LTBP4: variants seen among roughly 807,000 people sequenced by gnomAD.
LTBP4 encodes latent transforming growth factor beta binding protein 4.
Under a neutral mutation model 180.2 loss-of-function variants are expected in LTBP4, and 93 were observed. The ratio of observed to expected loss-of-function variants is 0.52; its 90% CI spans 0.44 to 0.61. LTBP4 has a LOEUF of 0.61. Ranked by LOEUF, LTBP4 falls within the 20% of genes least tolerant of loss-of-function variation. The pLI, the probability that LTBP4 is intolerant of heterozygous loss-of-function variation, is 0.00. For missense variants in LTBP4, 2,116 were observed against 2,256.5 expected (o/e 0.94, Z 1.26); for synonymous variants, 947 against 934.5 (o/e 1.01, Z -0.24).
rs953170402 is a variant in LTBP4, at chr19:40,618,543, G to T, written c.3071-804G>T. Among the ~76,000 whole-genome samples the T allele has an allele frequency of 1.2e-4, 19 of 152,118 alleles. 1 individual carries two copies. The highest frequency in any genetic ancestry group is 4.6e-4 in the African/African-American group (19 of 41,490). On this transcript the variant is annotated intron_variant, in intron 21 of 29. Coordinates refer to ENST00000396819, the MANE Select transcript of LTBP4 (RefSeq NM_001042545.2). ...CCTAAAGTGCTGGGATTATAAGCAT[G>T]AGCCACCACGCCTGGCCTGTAGAGA...
intron 21 of LTBP4, among the ~76,000 whole-genome samples, chr19:40,618,141 G>A (rs191865594): frequency 6.6e-6 from 1 of 151,358 alleles, no homozygotes; most frequent in African/African-American, 2.4e-5. Flanking sequence ...ATAGCTTACT[G>A]CAGCCTCTAA....
At position 40,622,942 on chromosome 19, in the gene LTBP4, G is replaced by C. The variant is rs763728486; in HGVS notation, c.3485-8G>C. The C allele has an allele frequency of 2.5e-6, 4 of 1,612,810 alleles. No homozygotes were observed. Among genetic ancestry groups the C allele is most frequent in the Non-Finnish European group, 2.5e-6 (3 of 1,179,480 alleles). ...GGTGTCCTGGCTCAGGCTTGTCTCT[G>C]TGTGTAGCTGAGTACCAGTCATTGT... On this transcript the variant is annotated splice_polypyrimidine_tract_variant and splice_region_variant and intron_variant, in intron 23 of 29. Coordinates refer to ENST00000396819, the MANE Select transcript of LTBP4 (RefSeq NM_001042545.2). The surrounding 1 kb of genome is among the most constrained non-coding windows in gnomAD (Gnocchi z 5.1).
chr19:40,593,719 G>A (rs974346036), intron 1 of LTBP4, among the ~76,000 whole-genome samples: 10 of 151,084 alleles, frequency 6.6e-5, no homozygotes, highest in African/African-American at 2.0e-4. Context: ...TTTCCAGGCC[G>A]GAGAATCCAG....
Position 40,611,373 on chromosome 19 carries a change from G to T in LTBP4, c.2032G>T (p.Gly678Trp). Residue 678 changes from glycine (G) to tryptophan (W), a missense_variant, in exon 13 of 30, where the codon GGG (glycine) becomes TGG (tryptophan). Coordinates refer to ENST00000396819, the MANE Select transcript of LTBP4 (RefSeq NM_001042545.2). This position sits in a 1 kb window ranked among gnomAD's most constrained non-coding sequence, Gnocchi z 4.4. Reference protein sequence around the residue: ...CACPAGFRSRGPGAPCQDVDE... With the variant: ...CACPAGFRSRWPGAPCQDVDE... ...CTGCCCTGCTGGCTTCCGCTCCCGAGGGCCCGGGGCCCCCTGCCAAGGTGA... is the reference window on the plus strand; with the variant it reads ...CTGCCCTGCTGGCTTCCGCTCCCGATGGCCCGGGGCCCCCTGCCAAGGTGA... 6.2e-7 allele frequency: 1 copy of T among 1,606,940 alleles called. No homozygotes were observed.
rs200380847 is a variant in LTBP4, at chr19:40,611,945, A to T, written c.2140A>T (p.Met714Leu). 1.2e-6 allele frequency: 2 copies of T among 1,611,234 alleles called. No homozygotes were observed. The highest frequency in any genetic ancestry group is 1.7e-6 in the Non-Finnish European group (2 of 1,178,768). Residue 714 changes from methionine (M) to leucine (L), a missense_variant, in exon 14 of 30, where the codon ATG becomes TTG. Physicochemically the swap from Met to Leu is conservative, Grantham distance 15. Around this residue, in one of 5 missense-constraint regions of LTBP4, gnomAD observed 877 missense variants for 873.6 expected, o/e 1.00. Transcript: ENST00000396819. The surrounding 1 kb of genome is among the most constrained non-coding windows in gnomAD (Gnocchi z 4.4). The part of the protein sequence containing the change: ...TEGSFQCVCP[M>L]GFQPNTAGSE... Reference sequence around the variant, plus strand: ...AGGCAGCTTCCAGTGTGTCTGCCCCATGGGCTTCCAACCCAACACTGCTGG... The same window carrying T: ...AGGCAGCTTCCAGTGTGTCTGCCCCTTGGGCTTCCAACCCAACACTGCTGG...
intron 28 of LTBP4, 35 bp from the exon 29 acceptor site, chr19:40,627,670 G>T: frequency 1.9e-6 from 3 of 1,561,554 alleles, no homozygotes; most frequent in Non-Finnish European, 2.6e-6. Flanking sequence ...TGAAGGCAGG[G>T]ACCTCAAGTC....
intron 19 of LTBP4, 128 bp downstream of exon 19, chr19:40,614,574 A>C (rs1427802329): frequency 2.4e-6 from 3 of 1,232,004 alleles, no homozygotes; most frequent in Non-Finnish European, 3.3e-6. Context: ...CTCTCACCGT[A>C]TCTCTGTAGT....
In LTBP4 at chr19:40,613,453, C is replaced by T; in HGVS notation, c.2481C>T (p.Cys827=). 2 of 1,601,926 alleles carry T rather than the reference C, an allele frequency of 1.2e-6. No individual in the cohort carries two copies. Among genetic ancestry groups the T allele is most frequent in the Non-Finnish European group, 1.7e-6 (2 of 1,174,752 alleles). ...ATTTCTGCTTCCCTCACGGCGAGTG[C>T]CTCAACACTGACGGCTCCTTTGCCT... The part of the protein sequence containing the change: ...EGDFCFPHGE[C]LNTDGSFACT... The change falls in exon 17 of 30, where the codon TGC becomes TGT. Residue 827 remains cysteine, a synonymous_variant. Transcript: ENST00000396819. This position sits in a 1 kb window ranked among gnomAD's most constrained non-coding sequence, Gnocchi z 5.0.
intron 18 of LTBP4, 36 bp from the exon 19 acceptor site, chr19:40,614,279 G>A: frequency 6.3e-7 from 1 of 1,585,478 alleles, no homozygotes; most frequent in Non-Finnish European, 8.6e-7. Flanking sequence ...TTGCCTCCCT[G>A]CTTCCCACAT....
Position 40,624,044 on chromosome 19 carries a change from C to A in LTBP4, c.3794C>A (p.Ser1265Ter). ...GAGCCCCCACTGGTGCTGGATGGCTCGCAGCGCCGCTGCGTCTCCAACGAG... is the reference window on the plus strand; with the variant it reads ...GAGCCCCCACTGGTGCTGGATGGCTAGCAGCGCCGCTGCGTCTCCAACGAG... ...TCEPPLVLDG[S>*]QRRCVSNESQ... is the part of the protein sequence containing the mutation. Residue 1265 changes from serine (S) to a stop codon, truncating the protein, a stop_gained, in exon 26 of 30, where the codon TCG (serine) becomes TAG (stop). Coordinates refer to ENST00000396819, the MANE Select transcript of LTBP4 (RefSeq NM_001042545.2). LOFTEE classifies it high-confidence loss of function. 6.3e-7 allele frequency: 1 copy of A among 1,593,744 alleles called. No individual in the cohort carries two copies. Among genetic ancestry groups the A allele is most frequent in the Non-Finnish European group, 8.6e-7 (1 of 1,167,232 alleles).
At chr19:40,599,361 A>G (rs1568399939), upstream of LTBP4, 1 of 1,610,678 alleles carries the variant, frequency 6.2e-7, no homozygotes, top group African/African-American at 1.3e-5. Flanking sequence ...AGCTGGATGC[A>G]TTTGGTAGAG....
At chr19:40,601,265 G>A (rs2081421207), upstream of LTBP4, 1 of 772,546 alleles carries the variant, frequency 1.3e-6, no homozygotes, top group African/African-American at 1.9e-5. Context: ...CGGGGAGGGA[G>A]TGGTGAGGAG....
Position 40,629,466 on chromosome 19 carries a change from T to C in LTBP4, c.4590T>C (p.Asp1530=). 2 of 1,610,726 alleles carry C rather than the reference T, an allele frequency of 1.2e-6. No individual in the cohort carries two copies. The highest frequency in any genetic ancestry group is 2.2e-5 in the South Asian group (2 of 91,038). The stretch of plus-strand genomic sequence containing the variant: ...TCAACGCGCGTTGCCTCAACACGGA[T>C]GGCTCCTTCCGCTGCATCTGCCGCC... ...LCVNARCLNT[D]GSFRCICRPG... Residue 1530 remains aspartate, a synonymous_variant, in exon 30 of 30, where the codon GAT becomes GAC. Coordinates refer to ENST00000396819, the MANE Select transcript of LTBP4 (RefSeq NM_001042545.2). The surrounding 1 kb of genome is among the most constrained non-coding windows in gnomAD (Gnocchi z 4.5).
Position 40,609,661 on chromosome 19 carries a change from G to C in LTBP4, c.1558G>C (p.Asp520His), listed in dbSNP as rs2081489847. 25 of 1,613,050 alleles carry C rather than the reference G, an allele frequency of 1.5e-5. No homozygotes were observed. Among genetic ancestry groups the C allele is most frequent in the Non-Finnish European group, 2.1e-5 (25 of 1,179,736 alleles). The part of the protein sequence containing the change: ...RLSPQGTRCI[D>H]VDECRRVPPP... ...CAGCCCCCAGGGCACCCGATGCATTGGTGAGCAAGACGGAGGGCGCGGAAG... is the reference window on the plus strand; with the variant it reads ...CAGCCCCCAGGGCACCCGATGCATTCGTGAGCAAGACGGAGGGCGCGGAAG... The change falls in exon 10 of 30, where the codon GAT (aspartate) becomes CAT (histidine). Residue 520 changes from aspartate (D) to histidine (H), a missense_variant and splice_region_variant. Asp to His is a moderately conservative substitution (Grantham distance 81). This residue lies in a region of LTBP4 where 877 missense variants were observed against 873.6 expected (regional missense o/e 1.00). Coordinates refer to ENST00000396819, the MANE Select transcript of LTBP4 (RefSeq NM_001042545.2). The surrounding 1 kb of genome is among the most constrained non-coding windows in gnomAD (Gnocchi z 4.9).
intron 27 of LTBP4, among the ~76,000 whole-genome samples, 166 bp from the exon 28 acceptor site, chr19:40,626,809 G>A (rs1014166596): frequency 1.3e-5 from 2 of 152,106 alleles, no homozygotes; most frequent in Admixed American, 6.5e-5. Flanking sequence ...CAGCACGTCC[G>A]AATCCCAGTC....
chr19:40,599,527 A>G (rs1174432387), upstream of LTBP4: 3 of 1,611,786 alleles, frequency 1.9e-6, no homozygotes, highest in Non-Finnish European at 1.7e-6. Flanking sequence ...TGAGGAAGAG[A>G]CAGGTGTCCC....
chr19:40,625,831 C>T, intron 26 of LTBP4, 26 bp from the exon 27 acceptor site: 1 of 1,528,606 alleles, frequency 6.5e-7, no homozygotes, highest in Non-Finnish European at 8.8e-7. Flanking sequence ...CAGGCCCACT[C>T]TGACACATGC....
intron 1 of LTBP4, among the ~76,000 whole-genome samples, chr19:40,603,648 C>T (rs2081438682): frequency 6.6e-6 from 1 of 152,234 alleles, no homozygotes. Context: ...CTTTATCCTT[C>T]TAAACGGAGG....
chr19:40,627,840 C>G lies in LTBP4; in HGVS notation c.4502C>G (p.Thr1501Ser). 1 of 1,568,192 alleles carries G rather than the reference C, an allele frequency of 6.4e-7. No individual in the cohort carries two copies. The highest frequency in any genetic ancestry group is 8.6e-7 in the Non-Finnish European group (1 of 1,163,262). Residue 1501 changes from threonine (T) to serine (S), a missense_variant, in exon 29 of 30, where the codon ACC becomes AGC. Thr to Ser is a moderately conservative substitution (Grantham distance 58). This residue lies in a region of LTBP4 where 488 missense variants were observed against 458.8 expected (regional missense o/e 1.06). Transcript: ENST00000396819. ...RCFDGYRLDM[T>S]RMACVDINEC... is the part of the protein sequence containing the mutation. ...TTCGACGGCTACCGCCTGGACATGA[C>G]CCGCATGGCCTGCGTTGGTGAGGGC...
Sources: allele counts gnomAD v4.1 joint callset (sites outside exome capture counted in the v4.1 genomes callset), GRCh38; gene constraint gnomAD v4.1.1; regional missense constraint gnomAD v4.1.1; non-coding constraint Gnocchi (gnomAD v3.1); transcripts MANE v1.5; gene names NCBI Gene and HGNC (gene_info 2026-07-23, HGNC 2026-07-21).